GDF3: variants seen among roughly 807,000 people sequenced by gnomAD.
GDF3 encodes growth differentiation factor 3, also known as growth/differentiation factor 3.
Under a neutral mutation model 10.2 loss-of-function variants are expected in GDF3, and 10 were observed. The ratio of observed to expected loss-of-function variants is 0.98; its 90% CI spans 0.60 to 1.66. GDF3 has a LOEUF of 1.66. Among genes scored for constraint, GDF3 ranks in the 40% most tolerant of loss-of-function variants. The probability of loss-of-function intolerance (pLI) is 0.00; values close to 1 mark genes in which losing one functional copy is unlikely to be tolerated. For synonymous variants in GDF3, 166 were observed against 178.5 expected, an observed-to-expected ratio of 0.93 and a Z score of 0.56; for missense variants, 450 against 438.3, an observed-to-expected ratio of 1.03 and a Z score of -0.24.
At position 7,695,622 on chromosome 12, in the gene GDF3, T is replaced by C. The variant is rs760355594; in HGVS notation, c.107A>G (p.Asp36Gly). 1.2e-6 allele frequency: 2 copies of C among 1,614,038 alleles called. No individual in the cohort carries two copies. Among genetic ancestry groups the C allele is most frequent in the East Asian group, 2.2e-5 (1 of 44,902 alleles). ...EYVFLQFLGL[D>G]KAPSPQKFQP... ...GAACTTCTGGGGTGAAGGCGCCTTATCTAAGCCCAGAAATTGGAGAAAGAC... is the reference window on the plus strand; with the variant it reads ...GAACTTCTGGGGTGAAGGCGCCTTACCTAAGCCCAGAAATTGGAGAAAGAC... Residue 36 changes from aspartate to glycine, a missense_variant, in exon 1 of 2, where the codon GAT becomes GGT. Asp to Gly is a moderately conservative substitution (Grantham distance 94, BLOSUM62 -1). Transcript: ENST00000329913.
chr12:7,690,993 T>C (rs973201904), intron 1 of GDF3, among the ~76,000 whole-genome samples: 4 of 151,694 alleles, frequency 2.6e-5, no homozygotes, highest in Admixed American at 1.3e-4. Context: ...CTACTAAAAA[T>C]ACAAAAATTA....
intron 1 of GDF3, among the ~76,000 whole-genome samples, chr12:7,691,576 GA>G (rs917421119): frequency 1.1e-3 from 158 of 140,226 alleles, no homozygotes; most frequent in African/African-American, 3.4e-3. Flanking sequence ...AAAAGAAAAA[GA>G]AAAAAAAAAA....
Position 7,689,983 on chromosome 12 carries a change from G to A in GDF3, c.990C>T (p.Ile330=). 1 of 1,613,574 alleles carries A rather than the reference G, an allele frequency of 6.2e-7. No individual in the cohort carries two copies. Among genetic ancestry groups the A allele is most frequent in the Non-Finnish European group, 8.5e-7 (1 of 1,179,534 alleles). The change falls in exon 2 of 2, where the codon ATC becomes ATT. Residue 330 remains isoleucine (I), a synonymous_variant. Transcript: ENST00000329913. Reference sequence around the variant, plus strand: ...TGGAAATGGGAGACAGCTTGGTGGGGATACACACAGCCTGGGGGATCTCTG... The same window carrying A: ...TGGAAATGGGAGACAGCTTGGTGGGAATACACACAGCCTGGGGGATCTCTG... The part of the protein sequence containing the change: ...VDPEIPQAVC[I]PTKLSPISML...
intron 1 of GDF3, among the ~76,000 whole-genome samples, chr12:7,693,836 T>C (rs776643638): frequency 2.6e-5 from 4 of 151,980 alleles, no homozygotes; most frequent in Admixed American, 6.6e-5. Context: ...TAGTTCCAAC[T>C]ACTCTACTCG....
Position 7,695,384 on chromosome 12 carries a change from T to C in GDF3, c.268+77A>G. On this transcript the variant is annotated intron_variant, in intron 1 of 1. Coordinates refer to ENST00000329913, the MANE Select transcript of GDF3 (RefSeq NM_020634.3). ...ACCAGCACAAGGCCATCAGTAATTG[T>C]CATTTCCTATTGTCCTTTCCTTTCT... 5 of 1,322,696 alleles carry C rather than the reference T, an allele frequency of 3.8e-6. No individual in the cohort carries two copies. In the South Asian group the frequency reaches 5.9e-5, roughly 16 times the overall value. The allele number at this position is 1,322,696 out of a possible 1,614,324, so 81.9% of individuals were successfully genotyped here.
At position 7,690,550 on chromosome 12, in the gene GDF3, T is replaced by C; in HGVS notation, c.423A>G (p.Pro141=). The change falls in exon 2 of 2, where the codon CCA becomes CCG. Residue 141 remains proline, a synonymous_variant. Transcript: ENST00000329913. ...CCAGGAACAGAGCCAGTTCCAGCTCTGGTCCCAGGTTATAGTAAGAATTGG... is the reference window on the plus strand; with the variant it reads ...CCAGGAACAGAGCCAGTTCCAGCTCCGGTCCCAGGTTATAGTAAGAATTGG... ...LGPNSYYNLG[P]ELELALFLVQ... 1 of 1,608,308 alleles carries C rather than the reference T, an allele frequency of 6.2e-7. No homozygotes were observed. Among genetic ancestry groups the C allele is most frequent in the South Asian group, 1.1e-5 (1 of 90,496 alleles).
At position 7,690,107 on chromosome 12, in the gene GDF3, A is replaced by G; in HGVS notation, c.866T>C (p.Met289Thr). The G allele has an allele frequency of 1.9e-6, 3 of 1,614,158 alleles. No homozygotes were observed. The highest frequency in any genetic ancestry group is 2.2e-5 in the South Asian group (2 of 91,076). ...ACACTCTCCATGGCAGTAATTTGCCATGAACCCCTTGGGGGCAATGATCCA... is the reference window on the plus strand; with the variant it reads ...ACACTCTCCATGGCAGTAATTTGCCGTGAACCCCTTGGGGGCAATGATCCA... ...HKWIIAPKGF[M>T]ANYCHGECPF... Residue 289 changes from methionine (M) to threonine (T), a missense_variant, in exon 2 of 2, where the codon ATG (methionine) becomes ACG (threonine). Met to Thr is a moderately conservative substitution (Grantham distance 81). Transcript: ENST00000329913.
At chr12:7,694,604 C>T (rs953137452) in intron 1 of GDF3, among the ~76,000 whole-genome samples, 6 of 145,406 alleles carry the variant, frequency 4.1e-5, no homozygotes, top group African/African-American at 5.0e-5. Context: ...CAAACTTTAT[C>T]TTGTATTCTC....
Position 7,690,880 on chromosome 12 carries a change from G to A in GDF3, c.269-176C>T, listed in dbSNP as rs187061802. 3.9e-5 allele frequency among the ~76,000 whole-genome samples: 6 copies of A among 152,128 alleles called. No homozygotes were observed. In the East Asian group the frequency reaches 5.8e-4, roughly 15 times the overall value. On this transcript the variant is annotated intron_variant, in intron 1 of 1. Coordinates refer to ENST00000329913, the MANE Select transcript of GDF3 (RefSeq NM_020634.3). Reference sequence around the variant, plus strand: ...TGAAAGCCAGAGGGTCCCCAGGTGCGGCGGCTCACGCCTGTAATCCCAGCA... The same window carrying A: ...TGAAAGCCAGAGGGTCCCCAGGTGCAGCGGCTCACGCCTGTAATCCCAGCA...
At chr12:7,691,098 C>G (rs1363020915) in intron 1 of GDF3, among the ~76,000 whole-genome samples, 1 of 149,968 alleles carries the variant, frequency 6.7e-6, no homozygotes, top group South Asian at 2.1e-4. Flanking sequence ...TGCAGTGAGC[C>G]GAGATCGCGC....
Position 7,690,877 on chromosome 12 carries a change from T to C in GDF3, c.269-173A>G, listed in dbSNP as rs7957693. Among the ~76,000 whole-genome samples the C allele has an allele frequency of 0.86, 131,172 of 151,788 alleles. 57,936 individuals carry two copies. Among genetic ancestry groups the C allele is most frequent in the Non-Finnish European group, 0.97 (65,994 of 67,938 alleles). The stretch of plus-strand genomic sequence containing the variant: ...TCCTGAAAGCCAGAGGGTCCCCAGG[T>C]GCGGCGGCTCACGCCTGTAATCCCA... On this transcript the variant is annotated intron_variant, in intron 1 of 1. Coordinates refer to ENST00000329913, the MANE Select transcript of GDF3 (RefSeq NM_020634.3).
intron 1 of GDF3, among the ~76,000 whole-genome samples, 172 bp downstream of exon 1, chr12:7,695,289 A>T (rs916150669): frequency 5.3e-5 from 8 of 152,326 alleles, no homozygotes; most frequent in African/African-American, 1.4e-4. Context: ...TACTGTTAGG[A>T]ACTTGATAAG....
Position 7,690,092 on chromosome 12 carries a change from T to C in GDF3, c.881A>G (p.His294Arg). The C allele has an allele frequency of 6.2e-7, 1 of 1,614,134 alleles. No individual in the cohort carries two copies. Among genetic ancestry groups the C allele is most frequent in the Non-Finnish European group, 8.5e-7 (1 of 1,180,018 alleles). Residue 294 changes from histidine to arginine, a missense_variant, in exon 2 of 2, where the codon CAT becomes CGT. Transcript: ENST00000329913. ...GGTCAGTGAGAAGGGACACTCTCCA[T>C]GGCAGTAATTTGCCATGAACCCCTT... The part of the protein sequence containing the change: ...APKGFMANYC[H>R]GECPFSLTIS...
At chr12:7,693,042 C>G (rs951050039) in intron 1 of GDF3, among the ~76,000 whole-genome samples, 1 of 152,076 alleles carries the variant, frequency 6.6e-6, no homozygotes, top group Non-Finnish European at 1.5e-5. Context: ...AACTTTCCTG[C>G]CTGAATTTTC....
intron 1 of GDF3, among the ~76,000 whole-genome samples, chr12:7,691,582 A>G (rs1039402047): frequency 6.6e-6 from 1 of 151,514 alleles, no homozygotes; most frequent in Non-Finnish European, 1.5e-5. Context: ...AAAAGAAAAA[A>G]AAAAACAAAA....
chr12:7,690,954 A>G (rs1294084155), intron 1 of GDF3, among the ~76,000 whole-genome samples: 2 of 151,910 alleles, frequency 1.3e-5, no homozygotes, highest in African/African-American at 4.8e-5. Flanking sequence ...GATCGAGACT[A>G]TCCTGGCTAA....
At chr12:7,694,921 T>C (rs999603192) in intron 1 of GDF3, among the ~76,000 whole-genome samples, 2 of 152,156 alleles carry the variant, frequency 1.3e-5, no homozygotes, top group African/African-American at 4.8e-5. Context: ...GAGATCCTTT[T>C]AAAAGGATAT....
intron 1 of GDF3, among the ~76,000 whole-genome samples, chr12:7,691,351 T>C (rs1476455186): frequency 2.0e-5 from 3 of 152,140 alleles, no homozygotes; most frequent in South Asian, 2.1e-4. Context: ...TCAGGGCCTA[T>C]GACATTGTTA....
At position 7,691,373 on chromosome 12, in the gene GDF3, A is replaced by G. The variant is rs57135830; in HGVS notation, c.269-669T>C. Among the ~76,000 whole-genome samples the G allele has an allele frequency of 5.3e-3, 814 of 152,156 alleles. 3 individuals are homozygous for G. The highest frequency in any genetic ancestry group is 0.018 in the African/African-American group (762 of 41,494). ...CTATGACATTGTTATCAATAAAATC[A>G]TAGGTGTGTTCATACGTTTAGTTGT... On this transcript the variant is annotated intron_variant, in intron 1 of 1. Transcript: ENST00000329913.
Sources: gnomAD v4.1 joint callset for allele counts (sites outside exome capture counted in the v4.1 genomes callset) on GRCh38, gnomAD v4.1.1 for gene constraint, MANE v1.5 for transcripts, NCBI Gene and HGNC (gene_info 2026-07-23, HGNC 2026-07-21) for gene names.